Variants in EMC3 observed in about 807,000 individuals in gnomAD.
The protein encoded by EMC3 is ER membrane protein complex subunit 3.
In EMC3, 13 loss-of-function variants were observed where a neutral mutation model predicts 36.6. That is an observed-to-expected ratio of 0.35 (90% CI 0.23 to 0.56). The LOEUF (loss-of-function observed/expected upper bound fraction) is 0.56, where lower values mean the gene tolerates loss of function less well. Ranked by LOEUF, EMC3 falls within the 20% of genes least tolerant of loss-of-function variation. The pLI, the probability that EMC3 is intolerant of heterozygous loss-of-function variation, is 0.84. For synonymous variants in EMC3, 120 were observed against 111.9 expected, an observed-to-expected ratio of 1.07 and a Z score of -0.46; for missense variants, 220 against 324.5, an observed-to-expected ratio of 0.68 and a Z score of 2.47.
intron 6 of EMC3, 34 bp from the exon 7 acceptor site, chr3:9,969,835 G>C: frequency 3.7e-6 from 6 of 1,609,308 alleles, no homozygotes; most frequent in Non-Finnish European, 5.1e-6. Flanking sequence ...TGAGTGCCAG[G>C]ACTCAGCAAG....
rs1322352014 is a variant in EMC3, at chr3:9,963,458, T to TAGATAGATAGATATAGATATAG, written c.*610_*611insCTATATCTATATCTATCTATCT. ...GACTGGGCTTCTGCTAAGATAGATA[T>TAGATAGATAGATATAGATATAG]ATATATATATATATATATATTTTTT... On this transcript the variant is annotated 3_prime_UTR_variant, in exon 8 of 8. Coordinates refer to ENST00000245046, the MANE Select transcript of EMC3 (RefSeq NM_001394674.1). 1 of 84,260 alleles carries TAGATAGATAGATATAGATATAG rather than the reference T, an allele frequency of 1.2e-5. No homozygotes were observed. The highest frequency in any genetic ancestry group is 2.5e-5 in the Non-Finnish European group (1 of 39,662). 5.2% of individuals were successfully genotyped at this position (84,260 alleles called of 1,614,324 possible).
upstream of EMC3, among the ~76,000 whole-genome samples, chr3:9,987,453 A>G (rs1218990400): frequency 8.5e-5 from 13 of 152,094 alleles, no homozygotes; most frequent in Admixed American, 2.6e-4. Flanking sequence ...AGGAAATGAG[A>G]AAGGCTTTTA....
At chr3:9,978,333 C>G (rs1304721388) in intron 1 of EMC3, 1 of 151,652 alleles carries the variant, frequency 6.6e-6, no homozygotes, top group East Asian at 2.0e-4. Context: ...GACCCTGTCT[C>G]TAACAACAAA....
intron 3 of EMC3, among the ~76,000 whole-genome samples, chr3:9,975,584 G>A (rs1045807420): frequency 1.3e-5 from 2 of 151,740 alleles, no homozygotes; most frequent in East Asian, 1.9e-4. Context: ...AGGCCAAGGC[G>A]GGCGGATCAC....
chr3:9,968,098 T>G (rs1559349068), intron 7 of EMC3, among the ~76,000 whole-genome samples: 1 of 152,220 alleles, frequency 6.6e-6, no homozygotes, highest in Non-Finnish European at 1.5e-5. Flanking sequence ...ATTTTTGTAT[T>G]TTTAGTAGAG....
Position 9,986,644 on chromosome 3 carries a change from C to G in EMC3, c.18G>C (p.Leu6=), listed in dbSNP as rs1033082363. The G allele has an allele frequency of 6.2e-7, 1 of 1,614,022 alleles. No individual in the cohort carries two copies. Among genetic ancestry groups the G allele is most frequent in the Non-Finnish European group, 8.5e-7 (1 of 1,180,008 alleles). The change falls in exon 1 of 8, where the codon CTG becomes CTC. Residue 6 remains leucine (L), a synonymous_variant. Transcript: ENST00000245046. The part of the protein sequence containing the change: MAGPE[L]LLDSNIRLWV... ...AGAGGCGGATGTTGGAGTCGAGCAACAGTTCTGGCCCTGCCATCTTCACTG... is the reference window on the plus strand; with the variant it reads ...AGAGGCGGATGTTGGAGTCGAGCAAGAGTTCTGGCCCTGCCATCTTCACTG...
At chr3:9,990,412 G>A (rs756581413), upstream of EMC3, among the ~76,000 whole-genome samples, 1 of 138,706 alleles carries the variant, frequency 7.2e-6, no homozygotes, top group Non-Finnish European at 1.5e-5. Flanking sequence ...ATAGTTCATT[G>A]CAGTCTCAAA....
chr3:9,966,379 C>A (rs1486130161), intron 7 of EMC3, among the ~76,000 whole-genome samples: 1 of 149,786 alleles, frequency 6.7e-6, no homozygotes, highest in Non-Finnish European at 1.5e-5. Flanking sequence ...CCCGCCACCA[C>A]GCCCGGCTAA....
chr3:9,985,710 A>G (rs1426026185), intron 1 of EMC3, among the ~76,000 whole-genome samples: 1 of 152,164 alleles, frequency 6.6e-6, no homozygotes, highest in Non-Finnish European at 1.5e-5. Flanking sequence ...CCTGGCCAAG[A>G]TGGTGAAACC....
Position 9,963,037 on chromosome 3 carries a change from G to A in EMC3, c.*1032C>T, listed in dbSNP as rs564894608. The A allele has an allele frequency of 6.6e-6, 1 of 152,302 alleles. No homozygotes were observed. The highest frequency in any genetic ancestry group is 1.9e-4 in the East Asian group (1 of 5,188). The allele number at this position is 152,302 out of a possible 1,614,324, so 9.4% of individuals were successfully genotyped here. A position where few individuals can be genotyped will look rare whatever the true frequency, so the allele number is the denominator to read the frequency against. The stretch of plus-strand genomic sequence containing the variant: ...CAAGATTTTGCATTATTTATAGACA[G>A]TCTCTGATGATCCCAAAGGCACTTT... On this transcript the variant is annotated 3_prime_UTR_variant, in exon 8 of 8. Transcript: ENST00000245046.
Position 9,963,565 on chromosome 3 carries a change from C to G in EMC3, c.*504G>C, listed in dbSNP as rs370413389. ...TGTCAGCTCACTGCATCCTCCGCCT[C>G]CTAGGTTTAAGCAGTTCTCTGCCTC... On this transcript the variant is annotated 3_prime_UTR_variant, in exon 8 of 8. Coordinates refer to ENST00000245046, the MANE Select transcript of EMC3 (RefSeq NM_001394674.1). The G allele has an allele frequency of 4.0e-5, 6 of 150,480 alleles. No homozygotes were observed. In the East Asian group the frequency reaches 1.2e-3, roughly 29 times the overall value. The allele number at this position is 150,480 out of a possible 1,614,324, so 9.3% of individuals were successfully genotyped here.
At chr3:9,994,810 G>T (rs1440891884) in intron 1 of EMC3, among the ~76,000 whole-genome samples, 1 of 152,120 alleles carries the variant, frequency 6.6e-6, no homozygotes, top group African/African-American at 2.4e-5. Flanking sequence ...GAGCTCAGGT[G>T]ATTCACCTGC....
chr3:9,974,542 A>G, intron 3 of EMC3, 54 bp from the exon 4 acceptor site: 1 of 1,231,634 alleles, frequency 8.1e-7, no homozygotes, highest in South Asian at 1.2e-5. Flanking sequence ...GTTGCCAGGG[A>G]CTTTCTCCTG....
intron 1 of EMC3, among the ~76,000 whole-genome samples, chr3:9,999,645 T>C (rs2086173556): frequency 6.6e-6 from 1 of 152,220 alleles, no homozygotes; most frequent in South Asian, 2.1e-4. Context: ...TCATTTTAAG[T>C]TGGCAAAAGC....
chr3:10,004,382 A>G (rs576715192), intron 1 of EMC3: 2 of 152,184 alleles, frequency 1.3e-5, no homozygotes, highest in Non-Finnish European at 2.9e-5. Flanking sequence ...CCAGGCTGAG[A>G]ACCTATCTGT....
chr3:10,006,523 A>G (rs1256088162), intron 1 of EMC3: 3 of 154,468 alleles, frequency 1.9e-5, no homozygotes, highest in South Asian at 1.9e-4. Context: ...ACTACTTAGC[A>G]TCTCCACTAC....
Position 9,963,969 on chromosome 3 carries a change from G to A in EMC3, c.*100C>T, listed in dbSNP as rs953967280. The A allele has an allele frequency of 1.9e-5, 30 of 1,551,306 alleles. No homozygotes were observed. Among genetic ancestry groups the A allele is most frequent in the African/African-American group, 1.5e-4 (11 of 73,040 alleles). On this transcript the variant is annotated 3_prime_UTR_variant, in exon 8 of 8. Coordinates refer to ENST00000245046, the MANE Select transcript of EMC3 (RefSeq NM_001394674.1). ...AGCCTTGCTGCATGCCTGCCAGCTCGTGCATCCTCCTTTTTATTTCAAGAG... is the reference window on the plus strand; with the variant it reads ...AGCCTTGCTGCATGCCTGCCAGCTCATGCATCCTCCTTTTTATTTCAAGAG...
chr3:9,998,216 A>C (rs953342668), intron 1 of EMC3, among the ~76,000 whole-genome samples: 1 of 151,728 alleles, frequency 6.6e-6, no homozygotes, highest in African/African-American at 2.4e-5. Context: ...AATACAAAAA[A>C]TTAGCTAGGC....
At chr3:9,965,703 G>A (rs182646369) in intron 7 of EMC3, among the ~76,000 whole-genome samples, 4 of 152,132 alleles carry the variant, frequency 2.6e-5, no homozygotes, top group African/African-American at 9.6e-5. Context: ...CAACTACTAC[G>A]TTATCTTCCG....
Sources: gnomAD v4.1 joint callset for allele counts (sites outside exome capture counted in the v4.1 genomes callset) on GRCh38, gnomAD v4.1.1 for gene constraint, MANE v1.5 for transcripts, NCBI Gene and HGNC (gene_info 2026-07-23, HGNC 2026-07-21) for gene names.